The following FLG variants were observed in gnomAD, a reference collection of about 807,000 sequenced individuals.
FLG encodes filaggrin.
A neutral mutation model predicts 3.8 loss-of-function variants in FLG; 6 were observed. The observed-to-expected ratio is 1.60, with a 90% CI of 0.87 to 3.15. The LOEUF is 3.15. Ranked by LOEUF, FLG falls within the 30% of genes most tolerant of loss-of-function variation. The pLI is 0.00. For missense variants in FLG, 7,595 were observed against 5,050.9 expected, an observed-to-expected ratio of 1.50 and a Z score of -15.27; for synonymous variants, 2,551 against 1,931.6, an observed-to-expected ratio of 1.32 and a Z score of -8.41.
Position 152,309,023 on chromosome 1 carries a change from T to C in FLG, c.5863A>G (p.Arg1955Gly), listed in dbSNP as rs375585063. ...SAWEQSRDGS[R>G]HPGSHHEDRA... Reference sequence around the variant, plus strand: ...TCTTCGTGATGGGACCCAGGGTGTCTGGAGCCATCTCTTGACTGCTCCCAA... The same window carrying C: ...TCTTCGTGATGGGACCCAGGGTGTCCGGAGCCATCTCTTGACTGCTCCCAA... Residue 1955 changes from arginine (R) to glycine (G), a missense_variant, in exon 3 of 3, where the codon AGA becomes GGA. Coordinates refer to ENST00000368799, the MANE Select transcript of FLG (RefSeq NM_002016.2). 1.2e-6 allele frequency: 2 copies of C among 1,614,112 alleles called. No homozygotes were observed. The highest frequency in any genetic ancestry group is 1.3e-5 in the African/African-American group (1 of 74,938).
At position 152,307,408 on chromosome 1, in the gene FLG, C is replaced by G. The variant is rs765480405; in HGVS notation, c.7478G>C (p.Ser2493Thr). 1.2e-6 allele frequency: 2 copies of G among 1,613,206 alleles called. No homozygotes were observed. The highest frequency in any genetic ancestry group is 1.7e-6 in the Non-Finnish European group (2 of 1,179,726). The change falls in exon 3 of 3, where the codon AGC (serine) becomes ACC (threonine). Residue 2493 changes from serine to threonine, a missense_variant. Transcript: ENST00000368799. ...DRSGHSGSHH[S>T]HTTSQGRSDA... ...AGACCTTCCCTGGGATGTGGTGTGG[C>G]TGTGATGAGACCCTGAGTGTCCAGA...
chr1:152,305,398 C>T lies in FLG; in HGVS notation c.9488G>A (p.Arg3163Lys), dbSNP rs746542813. The T allele has an allele frequency of 4.4e-6, 7 of 1,605,622 alleles. No homozygotes were observed. Among genetic ancestry groups the T allele is most frequent in the Non-Finnish European group, 5.9e-6 (7 of 1,178,840 alleles). Residue 3163 changes from arginine to lysine, a missense_variant, in exon 3 of 3, where the codon AGA becomes AAA. Transcript: ENST00000368799. ...RGQSGSRSAS[R>K]TTRNEEQSGD... ...TGATTGTTCCTCATTACGTGTTGTTCTGCTTGCACTTCTGGATCCTGACTG... is the reference window on the plus strand; with the variant it reads ...TGATTGTTCCTCATTACGTGTTGTTTTGCTTGCACTTCTGGATCCTGACTG...
In FLG at chr1:152,311,859, G is replaced by A. The variant is rs766121080; in HGVS notation, c.3027C>T (p.His1009=). The change falls in exon 3 of 3, where the codon CAC becomes CAT. Residue 1009 remains histidine (H), a synonymous_variant. Coordinates refer to ENST00000368799, the MANE Select transcript of FLG (RefSeq NM_002016.2). Reference sequence around the variant, plus strand: ...CCTGTCCACCAGAGGAAGTCTCTGCGTGAGGAGTTCCTGATTGTCTGGAGC... The same window carrying A: ...CCTGTCCACCAGAGGAAGTCTCTGCATGAGGAGTTCCTGATTGTCTGGAGC... ...ADSSRQSGTP[H]AETSSGGQAA... is the part of the protein sequence containing the mutation. 3.5e-5 allele frequency: 57 copies of A among 1,613,568 alleles called. No individual in the cohort carries two copies. The Middle Eastern group carries it at 4.9e-4, about 14-fold the overall frequency.
chr1:152,310,322 T>G lies in FLG; in HGVS notation c.4564A>C (p.Thr1522Pro). 1.2e-6 allele frequency: 2 copies of G among 1,613,848 alleles called. No homozygotes were observed. The highest frequency in any genetic ancestry group is 1.1e-5 in the South Asian group (1 of 91,042). Residue 1522 changes from threonine (T) to proline (P), a missense_variant, in exon 3 of 3, where the codon ACC (threonine) becomes CCC (proline). Thr to Pro is a conservative substitution (Grantham distance 38). Transcript: ENST00000368799. ...SGHSGYHHSHTTPQGRSDASH... is the reference protein window; with the variant it reads ...SGHSGYHHSHPTPQGRSDASH... ...GCATCAGACCTTCCCTGGGGTGTGGTGTGGCTGTGATGGTACCCTGAGTGT... is the reference window on the plus strand; with the variant it reads ...GCATCAGACCTTCCCTGGGGTGTGGGGTGGCTGTGATGGTACCCTGAGTGT...
At position 152,311,343 on chromosome 1, in the gene FLG, ATGG is replaced by A. The variant is rs1652408364; in HGVS notation, c.3540_3542del (p.His1181del). ...GTCCAGATCTATCTACCGATTGCTCATGGTGGGATCCCTGCCTTCCTCCTCTCC... is the reference window on the plus strand; with the variant it reads ...GTCCAGATCTATCTACCGATTGCTCATGGGATCCCTGCCTTCCTCCTCTCC... On this transcript the variant is annotated inframe_deletion, in exon 3 of 3. Coordinates refer to ENST00000368799, the MANE Select transcript of FLG (RefSeq NM_002016.2). 1 of 1,613,470 alleles carries A rather than the reference ATGG, an allele frequency of 6.2e-7. No homozygotes were observed.
rs149855516 is a variant in FLG at position 152,312,297 on chromosome 1, C to A, written c.2589G>T (p.Arg863Ser). Reference protein sequence around the residue: ...QGSHHEQSVDRSGHSGSHHSH... With the variant: ...QGSHHEQSVDSSGHSGSHHSH... ...TGTGATGGGACCCTGAGTGTCCAGA[C>A]CTATCTACCGATTGCTCGTGGTGGG... is the stretch of plus-strand genomic sequence containing the variant. The change falls in exon 3 of 3, where the codon AGG becomes AGT. Residue 863 changes from arginine (R) to serine (S), a missense_variant. By Grantham distance (110) the Arg-to-Ser change is moderately radical. Coordinates refer to ENST00000368799, the MANE Select transcript of FLG (RefSeq NM_002016.2). 1.5e-4 allele frequency: 244 copies of A among 1,613,470 alleles called. 1 individual carries two copies. The African/African-American group carries it at 3.0e-3, about 20-fold the overall frequency.
chr1:152,304,305 C>G lies in FLG; in HGVS notation c.10581G>C (p.Ala3527=). The G allele has an allele frequency of 6.2e-7, 1 of 1,612,220 alleles. No individual in the cohort carries two copies. Among genetic ancestry groups the G allele is most frequent in the Non-Finnish European group, 8.5e-7 (1 of 1,179,038 alleles). The change falls in exon 3 of 3, where the codon GCG becomes GCC. Residue 3527 remains alanine, a synonymous_variant. Transcript: ENST00000368799. ...CCTGGTTCCTGCTTGTCCTGGGCCC[C>G]GCTGATTGTCCCTGGCCGGACTGTG... ...RHSQSGQGQS[A]GPRTSRNQGS...
At chr1:152,314,824 T>C in intron 2 of FLG, 77 bp from the exon 3 acceptor site, 1 of 1,580,408 alleles carries the variant, frequency 6.3e-7, no homozygotes, top group Non-Finnish European at 8.6e-7. Flanking sequence ...AAAGTTAATT[T>C]AAGGAACCTG....
In FLG at chr1:152,304,529, A is replaced by T. The variant is rs760806964; in HGVS notation, c.10357T>A (p.Ser3453Thr). Residue 3453 changes from serine to threonine, a missense_variant, in exon 3 of 3, where the codon TCG becomes ACG. By Grantham distance (58) the Ser-to-Thr change is moderately conservative. Coordinates refer to ENST00000368799, the MANE Select transcript of FLG (RefSeq NM_002016.2). ...RGRQGSHYEQ[S>T]VDRSGHSGSH... Reference sequence around the variant, plus strand: ...CCTGAGTGTCCAGACCTATCTACCGATTGCTCGTAGTGGGATCCCTGCCTT... The same window carrying T: ...CCTGAGTGTCCAGACCTATCTACCGTTTGCTCGTAGTGGGATCCCTGCCTT... The T allele has an allele frequency of 6.2e-7, 1 of 1,611,256 alleles. No individual in the cohort carries two copies. The highest frequency in any genetic ancestry group is 2.2e-5 in the East Asian group (1 of 44,576).
chr1:152,309,403 T>C lies in FLG; in HGVS notation c.5483A>G (p.His1828Arg), dbSNP rs1652229766. 1.2e-6 allele frequency: 2 copies of C among 1,613,780 alleles called. No homozygotes were observed. Among genetic ancestry groups the C allele is most frequent in the Admixed American group, 1.7e-5 (1 of 59,988 alleles). The change falls in exon 3 of 3, where the codon CAC becomes CGC. Residue 1828 changes from histidine to arginine, a missense_variant. Transcript: ENST00000368799. ...AGAACTATCTACCGATTGCTCATAGTGGGATCCCTGCCTTCCTCCTCTGCT... is the reference window on the plus strand; with the variant it reads ...AGAACTATCTACCGATTGCTCATAGCGGGATCCCTGCCTTCCTCCTCTGCT... ...GSSRGGRQGSHYEQSVDSSGH... is the reference protein window; with the variant it reads ...GSSRGGRQGSRYEQSVDSSGH...
At position 152,308,098 on chromosome 1, in the gene FLG, G is replaced by T. The variant is rs373335399; in HGVS notation, c.6788C>A (p.Ala2263Glu). ...SEDSERRSGS[A>E]SRNHHGSAQE... ...AGCAGATCCATGATGGTTTCTGGAC[G>T]CAGACCCAGACCGCCTCTCAGAATC... The change falls in exon 3 of 3, where the codon GCG becomes GAG. Residue 2263 changes from alanine to glutamate, a missense_variant. Transcript: ENST00000368799. The T allele has an allele frequency of 5.0e-6, 8 of 1,613,966 alleles. No homozygotes were observed. The highest frequency in any genetic ancestry group is 2.2e-5 in the East Asian group (1 of 44,850).
chr1:152,305,311 G>C lies in FLG; in HGVS notation c.9575C>G (p.Ser3192Cys). 4 of 1,611,008 alleles carry C rather than the reference G, an allele frequency of 2.5e-6. No individual in the cohort carries two copies. The highest frequency in any genetic ancestry group is 3.4e-6 in the Non-Finnish European group (4 of 1,179,508). Reference protein sequence around the residue: ...HHEASTHADISRHSQAVQGQS... With the variant: ...HHEASTHADICRHSQAVQGQS... ...TCCCTGGACTGCCTGTGAGTGTCTA[G>C]AGATGTCGGCATGAGTGGAAGCTTC... Residue 3192 changes from serine (S) to cysteine (C), a missense_variant, in exon 3 of 3, where the codon TCT becomes TGT. Physicochemically the swap from Ser to Cys is moderately radical, Grantham distance 112. Transcript: ENST00000368799.
rs137890565 is a variant in FLG, at chr1:152,308,080, C to G, written c.6806G>C (p.Gly2269Ala). Residue 2269 changes from glycine to alanine, a missense_variant, in exon 3 of 3, where the codon GGA becomes GCA. By Grantham distance (60) the Gly-to-Ala change is moderately conservative. Transcript: ENST00000368799. ...RSGSASRNHH[G>A]SAQEQSRDGS... The stretch of plus-strand genomic sequence containing the variant: ...ATCTCTTGACTGCTCCTGAGCAGAT[C>G]CATGATGGTTTCTGGACGCAGACCC... 5 of 1,614,002 alleles carry G rather than the reference C, an allele frequency of 3.1e-6. No homozygotes were observed. Among genetic ancestry groups the G allele is most frequent in the Non-Finnish European group, 4.2e-6 (5 of 1,179,998 alleles).
At chr1:152,324,755 AGAC>A (rs1009117477) in intron 1 of FLG, among the ~76,000 whole-genome samples, 1 of 151,898 alleles carries the variant, frequency 6.6e-6, no homozygotes, top group Admixed American at 6.6e-5. Context: ...GGAAGCCAAA[AGAC>A]GGGACACCCC....
chr1:152,312,657 A>T lies in FLG; in HGVS notation c.2229T>A (p.Ser743Arg), dbSNP rs745755474. 2 of 1,613,480 alleles carry T rather than the reference A, an allele frequency of 1.2e-6. No individual in the cohort carries two copies. Among genetic ancestry groups the T allele is most frequent in the Non-Finnish European group, 8.5e-7 (1 of 1,179,900 alleles). The change falls in exon 3 of 3, where the codon AGT becomes AGA. Residue 743 changes from serine (S) to arginine (R), a missense_variant. Physicochemically the swap from Ser to Arg is moderately radical, Grantham distance 110. Coordinates refer to ENST00000368799, the MANE Select transcript of FLG (RefSeq NM_002016.2). ...CCTCACTGTCAGTGGCCTGACTACC[A>T]CTGGACCCTCGGTGTCCACTGTCTC... ...AVRDSGHRGS[S>R]GSQATDSEGH...
At chr1:152,319,320 GT>G (rs1652882129) in intron 1 of FLG, among the ~76,000 whole-genome samples, 1 of 151,126 alleles carries the variant, frequency 6.6e-6, no homozygotes, top group African/African-American at 2.4e-5. Flanking sequence ...GTGTGTGTGT[GT>G]GTGTGTGTGT....
chr1:152,304,427 T>A lies in FLG; in HGVS notation c.10459A>T (p.Arg3487Ter), dbSNP rs1396693199. The A allele has an allele frequency of 6.2e-7, 1 of 1,612,134 alleles. No homozygotes were observed. The highest frequency in any genetic ancestry group is 2.2e-5 in the East Asian group (1 of 44,598). The change falls in exon 3 of 3, where the codon AGA (arginine) becomes TGA (stop). Residue 3487 changes from arginine (R) to a stop codon, truncating the protein, a stop_gained. Transcript: ENST00000368799. LOFTEE classifies it low-confidence loss of function (END_TRUNC). ...RGQSGSRSAS[R>*]QTRNDEQSGD... is the part of the protein sequence containing the mutation. ...GATTGTTCGTCATTACGAGTTTGTCTGCTGGCACTTCTGGATCCTGACTGC... is the reference window on the plus strand; with the variant it reads ...GATTGTTCGTCATTACGAGTTTGTCAGCTGGCACTTCTGGATCCTGACTGC...
Position 152,311,117 on chromosome 1 carries a change from A to T in FLG, c.3769T>A (p.Ser1257Thr), listed in dbSNP as rs1229759658. ...SRHSQVGQEQ[S>T]SGSRTSRHQG... The stretch of plus-strand genomic sequence containing the variant: ...TGCCTGCTTGTCCTGGACCCCGATG[A>T]TTGTTCCTGTCCCACCTGTGAGTGT... Residue 1257 changes from serine to threonine, a missense_variant, in exon 3 of 3, where the codon TCA becomes ACA. Coordinates refer to ENST00000368799, the MANE Select transcript of FLG (RefSeq NM_002016.2). The T allele has an allele frequency of 1.2e-6, 2 of 1,613,100 alleles. No homozygotes were observed. Among genetic ancestry groups the T allele is most frequent in the African/African-American group, 1.3e-5 (1 of 74,570 alleles).
At position 152,302,594 on chromosome 1, in the gene FLG, T is replaced by C. The variant is rs963048652; in HGVS notation, c.*106A>G. On this transcript the variant is annotated 3_prime_UTR_variant, in exon 3 of 3. Coordinates refer to ENST00000368799, the MANE Select transcript of FLG (RefSeq NM_002016.2). Reference sequence around the variant, plus strand: ...AATACTATAGCATATTTTAAACAGATTGACAGGAAAAGATAACTTCCCTGA... The same window carrying C: ...AATACTATAGCATATTTTAAACAGACTGACAGGAAAAGATAACTTCCCTGA... 2 of 1,435,598 alleles carry C rather than the reference T, an allele frequency of 1.4e-6. No homozygotes were observed. Among genetic ancestry groups the C allele is most frequent in the South Asian group, 1.3e-5 (1 of 76,170 alleles). The allele number at this position is 1,435,598 out of a possible 1,614,324, so 88.9% of individuals were successfully genotyped here.
Sources: allele counts gnomAD v4.1 joint callset (sites outside exome capture counted in the v4.1 genomes callset), GRCh38; gene constraint gnomAD v4.1.1; transcripts MANE v1.5; gene names NCBI Gene and HGNC (gene_info 2026-07-23, HGNC 2026-07-21).